TSHZ2: variants seen among roughly 807,000 people sequenced by gnomAD.
The protein encoded by TSHZ2 is teashirt zinc finger homeobox 2.
Under a neutral mutation model 74.4 loss-of-function variants are expected in TSHZ2, and 21 were observed. The observed-to-expected ratio is 0.28, with a 90% CI of 0.20 to 0.41. The LOEUF is 0.41. Ranked by LOEUF, TSHZ2 falls within the 10% of genes least tolerant of loss-of-function variation. TSHZ2 has a pLI of 1.00. For missense variants in TSHZ2, 1,244 were observed against 1,293.5 expected (o/e 0.96, Z 0.59); for synonymous variants, 540 against 515.3 (o/e 1.05, Z -0.65).
intron 1 of TSHZ2, chr20:53,196,443 A>C (rs1471947776): frequency 6.7e-6 from 1 of 149,290 alleles, no homozygotes; most frequent in Non-Finnish European, 1.5e-5. Context: ...CTTAATTAGC[A>C]TGGCACCTCA....
chr20:53,340,167 A>G (rs1341260125), intron 2 of TSHZ2, among the ~76,000 whole-genome samples: 1 of 107,828 alleles, frequency 9.3e-6, no homozygotes. Flanking sequence ...AAACAAGGTG[A>G]CTTTTCTTTC....
At chr20:53,160,655 G>C (rs1325382101) in intron 1 of TSHZ2, among the ~76,000 whole-genome samples, 2 of 148,730 alleles carry the variant, frequency 1.3e-5, no homozygotes, top group African/African-American at 5.0e-5. Flanking sequence ...TAAGGCATGA[G>C]AATCTCTTAA....
chr20:53,059,754 T>A (rs1984760126), intron 1 of TSHZ2, among the ~76,000 whole-genome samples: 1 of 152,234 alleles, frequency 6.6e-6, no homozygotes, highest in Non-Finnish European at 1.5e-5. Context: ...AATGTTGTCC[T>A]TTTTTCTGTT....
chr20:53,024,667 C>T (rs1417469596), intron 1 of TSHZ2, among the ~76,000 whole-genome samples: 1 of 152,058 alleles, frequency 6.6e-6, no homozygotes, highest in Non-Finnish European at 1.5e-5. Flanking sequence ...CACCAACAGG[C>T]CCCGGTGTGT....
At position 52,977,646 on chromosome 20, in the gene TSHZ2, T is replaced by A. The variant is rs557198130; in HGVS notation, c.40+4313T>A. On this transcript the variant is annotated intron_variant, in intron 1 of 2. Transcript: ENST00000371497. ...GGTCCTTTTCCCACCCCCGTCTTGA[T>A]TTCCTTCTTCCACCTCTCACCTCAC... Among the ~76,000 whole-genome samples the A allele has an allele frequency of 2.0e-3, 304 of 152,314 alleles. 1 individual carries two copies. Among genetic ancestry groups the A allele is most frequent in the African/African-American group, 7.0e-3 (289 of 41,556 alleles).
chr20:53,255,767 C>G lies in TSHZ2; in HGVS notation c.2309C>G (p.Ser770Cys). ...GATCAGCCCATTGACCTGACCAAGT[C>G]CAAAAGCAAGAAAGCCGAGTCCTCG... ...NSDQPIDLTKSKSKKAESSQA... is the reference protein window; with the variant it reads ...NSDQPIDLTKCKSKKAESSQA... The change falls in exon 2 of 3, where the codon TCC becomes TGC. Residue 770 changes from serine (S) to cysteine (C), a missense_variant. Physicochemically the swap from Ser to Cys is moderately radical, Grantham distance 112. Coordinates refer to ENST00000371497, the MANE Select transcript of TSHZ2 (RefSeq NM_173485.6). This position sits in a 1 kb window ranked among gnomAD's most constrained non-coding sequence, Gnocchi z 4.1. 5 of 1,614,014 alleles carry G rather than the reference C, an allele frequency of 3.1e-6. No individual in the cohort carries two copies. The highest frequency in any genetic ancestry group is 3.4e-6 in the Non-Finnish European group (4 of 1,179,954).
intron 1 of TSHZ2, among the ~76,000 whole-genome samples, chr20:53,201,347 A>T (rs1167486953): frequency 6.6e-6 from 1 of 152,030 alleles, no homozygotes; most frequent in Non-Finnish European, 1.5e-5. Context: ...TCCAGAGGAG[A>T]TTCTTTTTCC....
intron 2 of TSHZ2, among the ~76,000 whole-genome samples, chr20:53,418,046 A>G (rs549213201): frequency 1.3e-5 from 2 of 152,320 alleles, no homozygotes; most frequent in East Asian, 1.9e-4. Context: ...GTTTGACGCC[A>G]TAAGAGTGGC....
At chr20:53,300,321 C>T (rs769147518) in intron 2 of TSHZ2, among the ~76,000 whole-genome samples, 8 of 152,214 alleles carry the variant, frequency 5.3e-5, no homozygotes, top group Non-Finnish European at 1.0e-4. Flanking sequence ...AACTAAAGCA[C>T]TTACATCTCA....
At chr20:53,072,585 A>G (rs1985210179) in intron 1 of TSHZ2, among the ~76,000 whole-genome samples, 1 of 152,218 alleles carries the variant, frequency 6.6e-6, no homozygotes, top group Non-Finnish European at 1.5e-5. Context: ...TTCTATTTGT[A>G]AGAGCCCATA....
chr20:53,161,145 A>AG (rs1452592487), intron 1 of TSHZ2, among the ~76,000 whole-genome samples: 2 of 151,034 alleles, frequency 1.3e-5, no homozygotes, highest in Non-Finnish European at 3.0e-5. Context: ...AAAAAAAAAA[A>AG]AAAAAAAATA....
intron 1 of TSHZ2, among the ~76,000 whole-genome samples, chr20:53,101,896 T>A (rs1034851342): frequency 6.6e-6 from 1 of 152,200 alleles, no homozygotes; most frequent in Non-Finnish European, 1.5e-5. Flanking sequence ...TATTTTGAAG[T>A]TATCACATTT....
At chr20:53,236,603 A>C (rs1989944812) in intron 1 of TSHZ2, among the ~76,000 whole-genome samples, 1 of 152,248 alleles carries the variant, frequency 6.6e-6, no homozygotes, top group South Asian at 2.1e-4. Flanking sequence ...CTCACTTCAA[A>C]GCTAGATTCA....
At chr20:53,079,069 AG>A (rs1348380957) in intron 1 of TSHZ2, among the ~76,000 whole-genome samples, 1 of 152,220 alleles carries the variant, frequency 6.6e-6, no homozygotes, top group African/African-American at 2.4e-5. Context: ...AAAGGAAAAA[AG>A]TCTGCAAAAC....
At chr20:53,209,499 T>C (rs1415405506) in intron 1 of TSHZ2, among the ~76,000 whole-genome samples, 1 of 152,220 alleles carries the variant, frequency 6.6e-6, no homozygotes, top group African/African-American at 2.4e-5. Flanking sequence ...AATGAAATCA[T>C]GAAAGGCATT....
intron 1 of TSHZ2, among the ~76,000 whole-genome samples, chr20:53,174,754 T>C (rs1289967202): frequency 6.6e-6 from 1 of 152,114 alleles, no homozygotes; most frequent in East Asian, 1.9e-4. Context: ...TTTGGGGTGA[T>C]TCAAGTCCAC....
At chr20:53,325,640 T>C (rs983535534) in intron 2 of TSHZ2, among the ~76,000 whole-genome samples, 1 of 151,680 alleles carries the variant, frequency 6.6e-6, no homozygotes, top group Non-Finnish European at 1.5e-5. Flanking sequence ...TGGAGGCAAG[T>C]TGCTGCATGA....
At chr20:53,322,225 G>GT (rs1979297443) in intron 2 of TSHZ2, among the ~76,000 whole-genome samples, 1 of 152,142 alleles carries the variant, frequency 6.6e-6, no homozygotes, top group African/African-American at 2.4e-5. Flanking sequence ...TATTTTGTAA[G>GT]TAAAAGACTT....
chr20:53,422,819 C>T (rs1308818791), intron 2 of TSHZ2, among the ~76,000 whole-genome samples: 3 of 152,174 alleles, frequency 2.0e-5, no homozygotes, highest in Non-Finnish European at 1.5e-5. Context: ...CACTGATCTC[C>T]TTCAATATAC....
Sources: allele counts gnomAD v4.1 joint callset (sites outside exome capture counted in the v4.1 genomes callset), GRCh38; gene constraint gnomAD v4.1.1; non-coding constraint Gnocchi (gnomAD v3.1); transcripts MANE v1.5; gene names NCBI Gene and HGNC (gene_info 2026-07-23, HGNC 2026-07-21).